The following ARPC1A variants were observed in gnomAD, a reference collection of about 807,000 sequenced individuals.
ARPC1A encodes the protein actin-related protein 2/3 complex subunit 1A.
Under a neutral mutation model 46.9 loss-of-function variants are expected in ARPC1A, and 8 were observed. That is an observed-to-expected ratio of 0.17 (90% CI 0.10 to 0.31). The LOEUF (loss-of-function observed/expected upper bound fraction) is 0.31, where lower values mean the gene tolerates loss of function less well. ARPC1A is among the 10% of genes least tolerant of loss of function. ARPC1A has a pLI of 1.00. For synonymous variants in ARPC1A, 152 were observed against 169.0 expected (o/e 0.90, Z 0.78); for missense variants, 286 against 483.6 (o/e 0.59, Z 3.83).
rs575161223 is a variant in ARPC1A at position 99,354,946 on chromosome 7, C to T, written c.713+825C>T. Among the ~76,000 whole-genome samples the T allele has an allele frequency of 2.0e-5, 3 of 152,178 alleles. No individual in the cohort carries two copies. In the South Asian group the frequency reaches 6.2e-4, roughly 32 times the overall value. On this transcript the variant is annotated intron_variant, in intron 6 of 9. Coordinates refer to ENST00000262942, the MANE Select transcript of ARPC1A (RefSeq NM_006409.4). Reference sequence around the variant, plus strand: ...TGACTAACATGGAGAAACCCCATCTCTACTAAAAATACAGAAAATTAGCTG... The same window carrying T: ...TGACTAACATGGAGAAACCCCATCTTTACTAAAAATACAGAAAATTAGCTG...
intron 5 of ARPC1A, 109 bp from the exon 6 acceptor site, chr7:99,353,800 G>T: frequency 9.2e-7 from 1 of 1,082,670 alleles, no homozygotes; most frequent in Non-Finnish European, 1.3e-6. Flanking sequence ...TTTTTTTAAT[G>T]AGTCAACCTC....
At chr7:99,342,369 A>G (rs1167873122) in intron 3 of ARPC1A, among the ~76,000 whole-genome samples, 1 of 152,116 alleles carries the variant, frequency 6.6e-6, no homozygotes, top group African/African-American at 2.4e-5. Context: ...CCTGGGCAAC[A>G]TGGTGAAACC....
intron 8 of ARPC1A, chr7:99,359,957 A>G (rs1393771234): frequency 1.7e-6 from 1 of 600,048 alleles, no homozygotes; most frequent in Non-Finnish European, 2.9e-6. Flanking sequence ...CTGTCCTTCA[A>G]GGTGCAGATT....
chr7:99,333,479 C>A, intron 2 of ARPC1A, 62 bp downstream of exon 2: 4 of 1,430,042 alleles, frequency 2.8e-6, no homozygotes, highest in Non-Finnish European at 3.9e-6. Context: ...CATCTTTAGA[C>A]ACATTTAGGG....
chr7:99,347,703 C>CA (rs1793478014), intron 4 of ARPC1A, among the ~76,000 whole-genome samples: 1 of 149,802 alleles, frequency 6.7e-6, no homozygotes, highest in African/African-American at 2.5e-5. Context: ...GACTCTGTCT[C>CA]AAAAAAATAA....
At chr7:99,342,927 T>A (rs548768187) in intron 3 of ARPC1A, among the ~76,000 whole-genome samples, 3 of 152,016 alleles carry the variant, frequency 2.0e-5, no homozygotes, top group Non-Finnish European at 2.9e-5. Flanking sequence ...TTTCACCGTG[T>A]TAGCCAGGAT....
intron 6 of ARPC1A, among the ~76,000 whole-genome samples, chr7:99,357,686 A>T (rs1323933126): frequency 6.6e-6 from 1 of 152,158 alleles, no homozygotes; most frequent in Non-Finnish European, 1.5e-5. Flanking sequence ...CTAACTCATC[A>T]GCCAGTGTGT....
chr7:99,339,834 A>T (rs528065002), intron 3 of ARPC1A: 26 of 332,590 alleles, frequency 7.8e-5, no homozygotes, highest in African/African-American at 4.8e-4. Context: ...ATGTTTGTAG[A>T]TGGTAGATGT....
chr7:99,360,118 C>T, intron 8 of ARPC1A: 1 of 235,398 alleles, frequency 4.2e-6, no homozygotes, highest in Non-Finnish European at 8.4e-6. Flanking sequence ...GTAGTGCACA[C>T]ATAACAGAAA....
In ARPC1A at chr7:99,353,334, A is replaced by G. The variant is rs373820228; in HGVS notation, c.501-575A>G. Reference sequence around the variant, plus strand: ...CCACCACACCCGGCTAATTTTCTGTATTTTTCGTAGAGATGGGGTTTCACC... The same window carrying G: ...CCACCACACCCGGCTAATTTTCTGTGTTTTTCGTAGAGATGGGGTTTCACC... On this transcript the variant is annotated intron_variant, in intron 5 of 9. Coordinates refer to ENST00000262942, the MANE Select transcript of ARPC1A (RefSeq NM_006409.4). Among the ~76,000 whole-genome samples the G allele has an allele frequency of 6.0e-5, 9 of 150,960 alleles. No individual in the cohort carries two copies. The East Asian group carries it at 1.4e-3, about 23-fold the overall frequency.
intron 5 of ARPC1A, among the ~76,000 whole-genome samples, chr7:99,350,686 C>A (rs536065132): frequency 1.5e-5 from 2 of 136,284 alleles, no homozygotes; most frequent in South Asian, 4.8e-4. Context: ...TGCTCTGTCA[C>A]CCAGGCTGGA....
At chr7:99,337,084 C>T (rs991788520) in intron 2 of ARPC1A, among the ~76,000 whole-genome samples, 10 of 152,062 alleles carry the variant, frequency 6.6e-5, no homozygotes, top group African/African-American at 2.2e-4. Flanking sequence ...TCTGGACTTA[C>T]GATTTGGGGA....
At chr7:99,343,104 A>C (rs960700560) in intron 3 of ARPC1A, among the ~76,000 whole-genome samples, 7 of 126,812 alleles carry the variant, frequency 5.5e-5, no homozygotes, top group Non-Finnish European at 8.1e-5. Flanking sequence ...ATTTTTAGAG[A>C]GAGATCTGTA....
chr7:99,362,727 TCGGGGAAGAGG>T (rs1474256205), intron 8 of ARPC1A, among the ~76,000 whole-genome samples: 1 of 151,908 alleles, frequency 6.6e-6, no homozygotes, highest in Non-Finnish European at 1.5e-5. Context: ...CTTCCCAGCG[TCGGGGAAGAGG>T]CGGGTAAGTT....
chr7:99,365,615 TAAA>T (rs3052172), intron 9 of ARPC1A, among the ~76,000 whole-genome samples: 1 of 138,176 alleles, frequency 7.2e-6, no homozygotes, highest in Non-Finnish European at 1.6e-5. Context: ...ACCCTATCTT[TAAA>T]AAAAAAAAAA....
intron 3 of ARPC1A, chr7:99,340,014 G>T: frequency 2.2e-6 from 1 of 456,124 alleles, no homozygotes; most frequent in Middle Eastern, 3.3e-4. Flanking sequence ...GCTTCTGTAA[G>T]TTGTATTTTC....
At position 99,365,975 on chromosome 7, in the gene ARPC1A, C is replaced by T. The variant is rs571173529; in HGVS notation, c.*46C>T. ...TCCAGCATGACAAACTGTGGCCGAC[C>T]GCAGCTGTGCCGTGGCACGATGGCG... On this transcript the variant is annotated 3_prime_UTR_variant, in exon 10 of 10. Coordinates refer to ENST00000262942, the MANE Select transcript of ARPC1A (RefSeq NM_006409.4). The T allele has an allele frequency of 1.9e-5, 29 of 1,547,496 alleles. 1 individual carries two copies. In the African/African-American group the frequency reaches 1.9e-4, roughly 10 times the overall value.
chr7:99,359,948 T>A, intron 8 of ARPC1A: 1 of 614,672 alleles, frequency 1.6e-6, no homozygotes, highest in Non-Finnish European at 2.9e-6. Context: ...CTGGTCATTC[T>A]GTCCTTCAAG....
intron 6 of ARPC1A, 48 bp downstream of exon 6, chr7:99,354,169 C>T: frequency 6.3e-7 from 1 of 1,579,788 alleles, no homozygotes; most frequent in Non-Finnish European, 8.6e-7. Context: ...GGGGTGGGAT[C>T]TCTCACCAGC....
Sources: gnomAD v4.1 joint callset for allele counts (sites outside exome capture counted in the v4.1 genomes callset) on GRCh38, gnomAD v4.1.1 for gene constraint, MANE v1.5 for transcripts, NCBI Gene and HGNC (gene_info 2026-07-23, HGNC 2026-07-21) for gene names.